TGIF2: variants seen among roughly 807,000 people sequenced by gnomAD.
TGIF2 encodes the protein TGFB induced factor homeobox 2.
In TGIF2, 5 loss-of-function variants were observed where a neutral mutation model predicts 15.1. The observed-to-expected ratio is 0.33, with a 90% CI of 0.17 to 0.70. TGIF2 has a LOEUF of 0.70. Among genes scored for constraint, TGIF2 ranks in the 30% least tolerant of loss-of-function variants. The pLI is 0.67. For synonymous variants in TGIF2, 131 were observed against 128.9 expected (o/e 1.02, Z -0.11); for missense variants, 264 against 302.5 (o/e 0.87, Z 0.94).
At chr20:36,578,712 G>C (rs2038482060) in intron 1 of TGIF2, 29 bp from the exon 2 acceptor site, 1 of 1,537,608 alleles carries the variant, frequency 6.5e-7, no homozygotes. Context: ...TGCTAATGAT[G>C]TTCCCATCCC....
intron 2 of TGIF2, among the ~76,000 whole-genome samples, 191 bp from the exon 3 acceptor site, chr20:36,590,719 T>C (rs1600785226): frequency 1.3e-5 from 2 of 152,054 alleles, no homozygotes; most frequent in Admixed American, 1.3e-4. Flanking sequence ...GGTGCACCAC[T>C]ACACCTGGCT....
chr20:36,579,070 T>C (rs951000032), intron 2 of TGIF2, 104 bp downstream of exon 2: 2 of 1,440,388 alleles, frequency 1.4e-6, no homozygotes, highest in Admixed American at 2.6e-5. Flanking sequence ...TCACTTTCAC[T>C]GTCTGGGCTT....
intron 2 of TGIF2, 134 bp downstream of exon 2, chr20:36,579,100 G>A: frequency 8.1e-7 from 1 of 1,230,790 alleles, no homozygotes; most frequent in Non-Finnish European, 1.1e-6. Context: ...CTTGGGTTAG[G>A]GGAGAACACC....
At chr20:36,588,840 A>C (rs1569532771) in intron 2 of TGIF2, among the ~76,000 whole-genome samples, 1 of 152,184 alleles carries the variant, frequency 6.6e-6, no homozygotes, top group Non-Finnish European at 1.5e-5. Flanking sequence ...AAGGACCTAG[A>C]GTGTGAAATT....
chr20:36,584,087 T>A (rs2147930943), intron 2 of TGIF2, among the ~76,000 whole-genome samples: 1 of 152,026 alleles, frequency 6.6e-6, no homozygotes, highest in Non-Finnish European at 1.5e-5. Context: ...AAAAAAAAAT[T>A]CAATGGCTTT....
In TGIF2 at chr20:36,591,482, C is replaced by T. The variant is rs1325594986; in HGVS notation, c.*51C>T. The T allele has an allele frequency of 2.3e-5, 36 of 1,533,840 alleles. No individual in the cohort carries two copies. Among genetic ancestry groups the T allele is most frequent in the Non-Finnish European group, 3.0e-5 (34 of 1,139,910 alleles). The stretch of plus-strand genomic sequence containing the variant: ...GCTCCAGCCAGCTGTCCTGGGTTTC[C>T]GTTTTGGTTCCCTTTCATACAGAGG... On this transcript the variant is annotated 3_prime_UTR_variant, in exon 3 of 3. Coordinates refer to ENST00000373872, the MANE Select transcript of TGIF2 (RefSeq NM_021809.7). The surrounding 1 kb of genome is among the most constrained non-coding windows in gnomAD (Gnocchi z 5.3).
At chr20:36,579,585 G>T (rs139823484) in intron 2 of TGIF2, among the ~76,000 whole-genome samples, 1 of 152,150 alleles carries the variant, frequency 6.6e-6, no homozygotes, top group Non-Finnish European at 1.5e-5. Flanking sequence ...CTAGGATTCA[G>T]CCCCCAGCCC....
chr20:36,578,425 A>G (rs181986195), intron 1 of TGIF2, among the ~76,000 whole-genome samples: 11 of 152,110 alleles, frequency 7.2e-5, no homozygotes, highest in South Asian at 4.1e-4. Flanking sequence ...AAAAAAAAAA[A>G]AAAGAAAAGA....
chr20:36,585,870 G>A (rs1180889208), intron 2 of TGIF2, among the ~76,000 whole-genome samples: 1 of 152,202 alleles, frequency 6.6e-6, no homozygotes, highest in East Asian at 1.9e-4. Flanking sequence ...GGGACTCTGT[G>A]CTGGGTATAC....
chr20:36,593,013 G>A lies in TGIF2; in HGVS notation c.*1582G>A, dbSNP rs145811351. 3,428 of 152,614 alleles carry A rather than the reference G, an allele frequency of 0.022. 46 individuals are homozygous for A. Among genetic ancestry groups the A allele is most frequent in the Middle Eastern group, 0.037 (11 of 294 alleles). 9.5% of individuals were successfully genotyped at this position (152,614 alleles called of 1,614,324 possible). On this transcript the variant is annotated 3_prime_UTR_variant, in exon 3 of 3. Transcript: ENST00000373872. ...GTAGAGACGGGGTTTCACCATCTTG[G>A]CCAGGCTGGTCTTGGAACTCCTGAC...
intron 2 of TGIF2, among the ~76,000 whole-genome samples, chr20:36,582,713 G>A (rs1376419594): frequency 2.0e-5 from 3 of 152,206 alleles, no homozygotes; most frequent in Non-Finnish European, 4.4e-5. Flanking sequence ...GGGGACCCGT[G>A]GTGGCCACCT....
chr20:36,587,134 C>G (rs1255888177), intron 2 of TGIF2, among the ~76,000 whole-genome samples: 1 of 152,198 alleles, frequency 6.6e-6, no homozygotes, highest in Admixed American at 6.5e-5. Context: ...ACAGGCTGGG[C>G]AGCTGGAAGG....
intron 2 of TGIF2, among the ~76,000 whole-genome samples, chr20:36,582,285 C>T (rs2038562578): frequency 6.6e-6 from 1 of 151,944 alleles, no homozygotes; most frequent in South Asian, 2.1e-4. Flanking sequence ...CATCTCCCCG[C>T]AAGATGTTAA....
intron 2 of TGIF2, among the ~76,000 whole-genome samples, chr20:36,586,000 G>A (rs1019973934): frequency 6.6e-6 from 1 of 152,172 alleles, no homozygotes; most frequent in Non-Finnish European, 1.5e-5. Flanking sequence ...TCCCCCTGGC[G>A]AGGGCTGTTG....
chr20:36,580,592 G>A (rs536912741), intron 2 of TGIF2, among the ~76,000 whole-genome samples: 1 of 151,648 alleles, frequency 6.6e-6, no homozygotes, highest in South Asian at 2.1e-4. Flanking sequence ...TAGGAGGATC[G>A]CATGCGCCCA....
At chr20:36,587,294 TGGAGG>T (rs1392646886) in intron 2 of TGIF2, among the ~76,000 whole-genome samples, 1 of 152,176 alleles carries the variant, frequency 6.6e-6, no homozygotes, top group Non-Finnish European at 1.5e-5. Flanking sequence ...GGGGAGTGTG[TGGAGG>T]GGTGTTTTTC....
At chr20:36,585,852 C>G (rs1215643074) in intron 2 of TGIF2, among the ~76,000 whole-genome samples, 1 of 152,170 alleles carries the variant, frequency 6.6e-6, no homozygotes, top group Non-Finnish European at 1.5e-5. Flanking sequence ...ATACCACGTG[C>G]CAGGCCCGGG....
chr20:36,579,044 T>C, intron 2 of TGIF2, 78 bp downstream of exon 2: 2 of 1,535,764 alleles, frequency 1.3e-6, no homozygotes, highest in East Asian at 2.3e-5. Flanking sequence ...ACTGAGTCAC[T>C]GTGGTCTTGG....
chr20:36,577,004 A>ATTT (rs112821778), intron 1 of TGIF2, among the ~76,000 whole-genome samples: 9 of 148,182 alleles, frequency 6.1e-5, no homozygotes, highest in African/African-American at 2.2e-4. Context: ...AGCACGTGGC[A>ATTT]TTTTTTTTTT....
Sources: allele counts gnomAD v4.1 joint callset (sites outside exome capture counted in the v4.1 genomes callset), GRCh38; gene constraint gnomAD v4.1.1; non-coding constraint Gnocchi (gnomAD v3.1); transcripts MANE v1.5; gene names NCBI Gene and HGNC (gene_info 2026-07-23, HGNC 2026-07-21).